RNF121: variants seen among roughly 807,000 people sequenced by gnomAD.
RNF121 encodes the protein E3 ubiquitin ligase RNF121.
In RNF121, 21 loss-of-function variants were observed where a neutral mutation model predicts 46.5. That is an observed-to-expected ratio of 0.45 (90% CI 0.32 to 0.65). RNF121 has a LOEUF of 0.65. RNF121 is among the 30% of genes least tolerant of loss of function. The pLI is 0.04. For missense variants in RNF121, 346 were observed against 416.0 expected (o/e 0.83, Z 1.46); for synonymous variants, 139 against 144.7 (o/e 0.96, Z 0.28).
intron 1 of RNF121, among the ~76,000 whole-genome samples, chr11:71,940,689 T>C (rs1953547038): frequency 6.6e-6 from 1 of 152,212 alleles, no homozygotes; most frequent in Non-Finnish European, 1.5e-5. Flanking sequence ...GATGAAAATG[T>C]GGCTCCTGCT....
rs555672095 is a variant in RNF121 at position 71,938,211 on chromosome 11, C to T, written c.63+9087C>T. 1.1e-4 allele frequency among the ~76,000 whole-genome samples: 16 copies of T among 151,976 alleles called. No homozygotes were observed. In the South Asian group the frequency reaches 2.7e-3, roughly 26 times the overall value. On this transcript the variant is annotated intron_variant, in intron 1 of 8. Coordinates refer to ENST00000361756, the MANE Select transcript of RNF121 (RefSeq NM_018320.5). Reference sequence around the variant, plus strand: ...TCTGAGCTTGTCATTTAGTGCCCTGCGAACAGTCTTTTCTCCTATTTTAGT... The same window carrying T: ...TCTGAGCTTGTCATTTAGTGCCCTGTGAACAGTCTTTTCTCCTATTTTAGT...
At chr11:71,986,576 G>T (rs992809030) in intron 4 of RNF121, among the ~76,000 whole-genome samples, 1 of 151,902 alleles carries the variant, frequency 6.6e-6, no homozygotes, top group African/African-American at 2.4e-5. Flanking sequence ...GACCAGCCTG[G>T]CCAATATGGT....
In RNF121 at chr11:71,996,288, C is replaced by T; in HGVS notation, c.957C>T (p.Gly319=). ...CTGTCATCATTGGTGTAGTCCAAGGCATCAACTACATCCTGGGCCTGGAAT... is the reference window on the plus strand; with the variant it reads ...CTGTCATCATTGGTGTAGTCCAAGGTATCAACTACATCCTGGGCCTGGAAT... ...WQPVIIGVVQ[G]INYILGLE is the part of the protein sequence containing the mutation. Residue 319 remains glycine (G), a synonymous_variant, in exon 9 of 9, where the codon GGC becomes GGT. Coordinates refer to ENST00000361756, the MANE Select transcript of RNF121 (RefSeq NM_018320.5). 6.2e-7 allele frequency: 1 copy of T among 1,614,172 alleles called. No individual in the cohort carries two copies. Among genetic ancestry groups the T allele is most frequent in the Admixed American group, 1.7e-5 (1 of 60,022 alleles).
At chr11:71,965,816 C>T (rs1954263784) in intron 3 of RNF121, among the ~76,000 whole-genome samples, 1 of 152,212 alleles carries the variant, frequency 6.6e-6, no homozygotes, top group South Asian at 2.1e-4. Flanking sequence ...AATCCATCAA[C>T]ACAGATTTAA....
intron 3 of RNF121, among the ~76,000 whole-genome samples, chr11:71,978,477 A>G (rs1954579745): frequency 6.6e-6 from 1 of 152,220 alleles, no homozygotes; most frequent in African/African-American, 2.4e-5. Context: ...GAAATTGCTT[A>G]TAACCTTATC....
At position 71,989,223 on chromosome 11, in the gene RNF121, G is replaced by A. The variant is rs550641948; in HGVS notation, c.507-1374G>A. Among the ~76,000 whole-genome samples the A allele has an allele frequency of 1.7e-4, 26 of 152,234 alleles. No homozygotes were observed. In the South Asian group the frequency reaches 5.0e-3, roughly 29 times the overall value. ...AGCCTCCTGAATAGCTGGGACTACA[G>A]GCATGAGCCACCACACCCGGCTAAT... On this transcript the variant is annotated intron_variant, in intron 5 of 8. Transcript: ENST00000361756.
rs745669645 is a variant in RNF121, at chr11:71,994,838, G to A, written c.747G>A (p.Leu249=). The change falls in exon 7 of 9, where the codon CTG becomes CTA. Residue 249 remains leucine, a synonymous_variant. Transcript: ENST00000361756. ...EEGIIENTYR[L]SCNHVFHEFC... ...GGATCATTGAGAACACGTATAGGCTGTCCTGCAATCATGTGTATCCTGCCT... is the reference window on the plus strand; with the variant it reads ...GGATCATTGAGAACACGTATAGGCTATCCTGCAATCATGTGTATCCTGCCT... The A allele has an allele frequency of 6.2e-7, 1 of 1,614,184 alleles. No individual in the cohort carries two copies. Among genetic ancestry groups the A allele is most frequent in the Non-Finnish European group, 8.5e-7 (1 of 1,180,030 alleles).
At chr11:71,942,796 ATATATGT>A (rs1953613542) in intron 1 of RNF121, among the ~76,000 whole-genome samples, 1 of 44,130 alleles carries the variant, frequency 2.3e-5, no homozygotes, top group African/African-American at 9.7e-5. Context: ...ATATAGATAT[ATATATGT>A]ACACACACAC....
Position 71,929,060 on chromosome 11 carries a change from A to C in RNF121, c.-2A>C. On this transcript the variant is annotated 5_prime_UTR_variant, in exon 1 of 9. Coordinates refer to ENST00000361756, the MANE Select transcript of RNF121 (RefSeq NM_018320.5). ...ACTGCGGTGAGGGGGCGAGCCGTGA[A>C]GATGGCGGCAGTGGTGGAGGTGGAG... 26 of 1,551,404 alleles carry C rather than the reference A, an allele frequency of 1.7e-5. No individual in the cohort carries two copies. Among genetic ancestry groups the C allele is most frequent in the Non-Finnish European group, 2.3e-5 (26 of 1,146,994 alleles).
intron 3 of RNF121, among the ~76,000 whole-genome samples, chr11:71,971,661 G>A (rs749761020): frequency 1.3e-4 from 20 of 152,102 alleles, no homozygotes; most frequent in Admixed American, 9.8e-4. Flanking sequence ...AACCCAAAAG[G>A]CCATTAAGCA....
chr11:71,959,300 A>G (rs1954070628), intron 2 of RNF121, among the ~76,000 whole-genome samples: 1 of 152,214 alleles, frequency 6.6e-6, no homozygotes. Context: ...AAAACTTTAA[A>G]CACATAGAAA....
chr11:71,959,458 C>A (rs1359341276), intron 2 of RNF121, among the ~76,000 whole-genome samples: 1 of 152,156 alleles, frequency 6.6e-6, no homozygotes, highest in Non-Finnish European at 1.5e-5. Flanking sequence ...CATGAAGACA[C>A]TATTTATGTT....
chr11:71,929,089 G>C lies in RNF121; in HGVS notation c.28G>C (p.Gly10Arg). 1 of 1,551,766 alleles carries C rather than the reference G, an allele frequency of 6.4e-7. No homozygotes were observed. The highest frequency in any genetic ancestry group is 2.0e-5 in the Admixed American group (1 of 51,020). The change falls in exon 1 of 9, where the codon GGA becomes CGA. Residue 10 changes from glycine (G) to arginine (R), a missense_variant. By Grantham distance (125) the Gly-to-Arg change is moderately radical. Transcript: ENST00000361756. ...GGCGGCAGTGGTGGAGGTGGAGGTT[G>C]GAGGTGGTGCTGCTGGGGAACGGGA... MAAVVEVEV[G>R]GGAAGERELD...
Position 71,996,373 on chromosome 11 carries a change from C to A in RNF121, c.*58C>A. 1 of 1,589,900 alleles carries A rather than the reference C, an allele frequency of 6.3e-7. No homozygotes were observed. The highest frequency in any genetic ancestry group is 1.1e-5 in the South Asian group (1 of 87,944). ...CACGCCATGGACCTCAGGGCACTCTCCTCCCTGCCCACAAAGACCTCCTGG... is the reference window on the plus strand; with the variant it reads ...CACGCCATGGACCTCAGGGCACTCTACTCCCTGCCCACAAAGACCTCCTGG... On this transcript the variant is annotated 3_prime_UTR_variant, in exon 9 of 9. Transcript: ENST00000361756.
chr11:71,996,035 T>A (rs1233862848), intron 8 of RNF121, among the ~76,000 whole-genome samples, 160 bp from the exon 9 acceptor site: 1 of 152,108 alleles, frequency 6.6e-6, no homozygotes, highest in East Asian at 1.9e-4. Context: ...GAGGGCTGCC[T>A]GAGTAGGAAG....
chr11:71,947,229 T>A (rs1449273677), intron 1 of RNF121, among the ~76,000 whole-genome samples: 1 of 152,122 alleles, frequency 6.6e-6, no homozygotes, highest in Non-Finnish European at 1.5e-5. Context: ...ATGATATGGC[T>A]AGGCATGGTG....
At chr11:71,992,627 G>C (rs1250055646) in intron 6 of RNF121, among the ~76,000 whole-genome samples, 1 of 152,166 alleles carries the variant, frequency 6.6e-6, no homozygotes, top group Admixed American at 6.5e-5. Context: ...TTTGGACTTA[G>C]ATATAGTTTG....
rs1268238235 is a variant in RNF121, at chr11:71,957,230, G to A, written c.67G>A (p.Asp23Asn). Residue 23 changes from aspartate (D) to asparagine (N), a missense_variant, in exon 2 of 9, where the codon GAT (aspartate) becomes AAT (asparagine). Transcript: ENST00000361756. ...AAGERELDEV[D>N]MSDLSPEEQW... Reference sequence around the variant, plus strand: ...TTCTGGTGGTGTCTTTCTACAGGTTGATATGTCAGATCTCTCTCCAGAAGA... The same window carrying A: ...TTCTGGTGGTGTCTTTCTACAGGTTAATATGTCAGATCTCTCTCCAGAAGA... 2 of 1,601,302 alleles carry A rather than the reference G, an allele frequency of 1.2e-6. No homozygotes were observed. The highest frequency in any genetic ancestry group is 1.7e-6 in the Non-Finnish European group (2 of 1,168,266).
chr11:71,931,664 A>G (rs948474562), intron 1 of RNF121, among the ~76,000 whole-genome samples: 1 of 152,182 alleles, frequency 6.6e-6, no homozygotes, highest in African/African-American at 2.4e-5. Flanking sequence ...AGCGTATTAT[A>G]ATACTAGATA....
Sources: allele counts gnomAD v4.1 joint callset (sites outside exome capture counted in the v4.1 genomes callset), GRCh38; gene constraint gnomAD v4.1.1; transcripts MANE v1.5; gene names NCBI Gene and HGNC (gene_info 2026-07-23, HGNC 2026-07-21).